SOS1: variants seen among roughly 807,000 people sequenced by gnomAD.
SOS1 encodes the protein son of sevenless homolog 1.
Under a neutral mutation model 157.6 loss-of-function variants are expected in SOS1, and 25 were observed. That is an observed-to-expected ratio of 0.16 (90% CI 0.12 to 0.22). The LOEUF (loss-of-function observed/expected upper bound fraction) is 0.22. Among genes scored for constraint, SOS1 ranks in the 10% least tolerant of loss-of-function variants. The probability of loss-of-function intolerance (pLI) is 1.00; values close to 1 mark genes in which losing one functional copy is unlikely to be tolerated. For missense variants in SOS1, 1,237 were observed against 1,599.1 expected (o/e 0.77, Z 3.86); for synonymous variants, 528 against 534.0 (o/e 0.99, Z 0.16).
intron 22 of SOS1, 105 bp downstream of exon 22, chr2:38,987,368 A>T: frequency 1.4e-6 from 1 of 713,772 alleles, no homozygotes; most frequent in Non-Finnish European, 2.6e-6. Context: ...AAGCCTGTAT[A>T]CTCTGAAATG....
In SOS1 at chr2:39,012,291, A is replaced by C; in HGVS notation, c.2225T>G (p.Ile742Ser). The C allele has an allele frequency of 1.2e-6, 2 of 1,612,914 alleles. No individual in the cohort carries two copies. Among genetic ancestry groups the C allele is most frequent in the East Asian group, 4.5e-5 (2 of 44,780 alleles). Residue 742 changes from isoleucine (I) to serine (S), a missense_variant, in exon 14 of 23, where the codon ATT becomes AGT. Transcript: ENST00000402219. ...ATGACCTGGTCCATTGTCTCTTGCA[A>C]TTTTTTTCCTTTGGATTATTTTAGT... Reference protein sequence around the residue: ...SITKIIQRKKIARDNGPGHNI... With the variant: ...SITKIIQRKKSARDNGPGHNI...
At chr2:39,062,504 G>A (rs1671443722) in intron 2 of SOS1, among the ~76,000 whole-genome samples, 1 of 145,378 alleles carries the variant, frequency 6.9e-6, no homozygotes. Flanking sequence ...GGGAAAAAAA[G>A]CTAAAGAAAA....
intron 14 of SOS1, 114 bp downstream of exon 14, chr2:39,012,012 C>A (rs1669488273): frequency 1.2e-6 from 1 of 801,362 alleles, no homozygotes; most frequent in African/African-American, 1.7e-5. Context: ...CTAGACACTT[C>A]ATGTAATATT....
intron 3 of SOS1, among the ~76,000 whole-genome samples, chr2:39,057,786 A>C (rs1380467690): frequency 6.6e-6 from 1 of 152,134 alleles, no homozygotes. Context: ...CTTTTCCATA[A>C]GGCAGGTATT....
At chr2:39,060,157 T>G (rs1372866593) in intron 2 of SOS1, among the ~76,000 whole-genome samples, 3 of 152,188 alleles carry the variant, frequency 2.0e-5, no homozygotes, top group African/African-American at 7.2e-5. Flanking sequence ...TATTTAGGAC[T>G]AACTTACGTG....
At chr2:39,070,123 A>T (rs2148146051) in intron 1 of SOS1, among the ~76,000 whole-genome samples, 1 of 152,276 alleles carries the variant, frequency 6.6e-6, no homozygotes, top group African/African-American at 2.4e-5. Context: ...ATCAAACCAT[A>T]TAAACTTATT....
intron 6 of SOS1, among the ~76,000 whole-genome samples, chr2:39,043,535 T>C (rs538470746): frequency 1.8e-4 from 28 of 152,354 alleles, no homozygotes; most frequent in Admixed American, 1.8e-3. Context: ...TGTCACATGC[T>C]GTTTTCTGTT....
At chr2:39,015,509 A>G (rs1263504759) in intron 10 of SOS1, among the ~76,000 whole-genome samples, 3 of 152,010 alleles carry the variant, frequency 2.0e-5, no homozygotes, top group Admixed American at 6.6e-5. Flanking sequence ...TGAGAGGTCA[A>G]TCATAAATAT....
chr2:39,113,846 CTCT>C (rs1673537614), intron 1 of SOS1, among the ~76,000 whole-genome samples: 1 of 152,222 alleles, frequency 6.6e-6, no homozygotes, highest in African/African-American at 2.4e-5. Context: ...AATCTTGAAT[CTCT>C]TTTTTGCCTC....
chr2:39,038,464 G>T (rs868135066), intron 6 of SOS1, among the ~76,000 whole-genome samples: 1 of 151,800 alleles, frequency 6.6e-6, no homozygotes, highest in Non-Finnish European at 1.5e-5. Context: ...GGCTGGGCGC[G>T]GTGGCTCACG....
At chr2:39,014,573 GAAT>G (rs1669571775) in intron 11 of SOS1, among the ~76,000 whole-genome samples, 189 bp downstream of exon 11, 1 of 151,814 alleles carries the variant, frequency 6.6e-6, no homozygotes, top group Non-Finnish European at 1.5e-5. Context: ...ATACAAAAAA[GAAT>G]ATTTTTGTAT....
intron 8 of SOS1, among the ~76,000 whole-genome samples, chr2:39,030,892 T>G (rs189329154): frequency 1.3e-5 from 2 of 152,134 alleles, no homozygotes; most frequent in Non-Finnish European, 2.9e-5. Flanking sequence ...TGCAGACACA[T>G]AGAGAAGAAC....
chr2:39,047,072 A>G (rs1307048143), intron 6 of SOS1, among the ~76,000 whole-genome samples: 3 of 152,148 alleles, frequency 2.0e-5, no homozygotes, highest in African/African-American at 7.2e-5. Context: ...CACCCAGATA[A>G]AGAAATAGAA....
intron 1 of SOS1, among the ~76,000 whole-genome samples, chr2:39,092,123 T>C (rs1347253208): frequency 1.3e-5 from 2 of 152,224 alleles, no homozygotes; most frequent in Admixed American, 6.5e-5. Flanking sequence ...CTACATGAAG[T>C]GGTCCCTGTC....
intron 4 of SOS1, 101 bp from the exon 5 acceptor site, chr2:39,054,924 A>G (rs1671154185): frequency 1.4e-6 from 1 of 724,916 alleles, no homozygotes. Flanking sequence ...CTTAAATGAT[A>G]AAAAAGCAGA....
intron 8 of SOS1, among the ~76,000 whole-genome samples, chr2:39,029,568 G>A (rs1026038769): frequency 3.9e-5 from 6 of 152,098 alleles, no homozygotes; most frequent in Non-Finnish European, 2.9e-5. Context: ...AGGATGCAGT[G>A]AGCAGTGACT....
intron 8 of SOS1, chr2:39,034,973 TAAA>T: frequency 1.8e-6 from 1 of 551,192 alleles, no homozygotes; most frequent in Non-Finnish European, 3.3e-6. Flanking sequence ...AAACCAAAAA[TAAA>T]AAAAAGAAAA....
chr2:39,002,249 C>T (rs887351023), intron 17 of SOS1, among the ~76,000 whole-genome samples: 10 of 151,874 alleles, frequency 6.6e-5, no homozygotes, highest in African/African-American at 2.4e-4. Flanking sequence ...CTGCTGAACC[C>T]GGGAGGCAGA....
chr2:38,991,798 T>C (rs1332500899), intron 20 of SOS1, among the ~76,000 whole-genome samples: 1 of 152,192 alleles, frequency 6.6e-6, no homozygotes, highest in Non-Finnish European at 1.5e-5. Flanking sequence ...TTTTAATCTC[T>C]CAGTAAGACT....
Sources: gnomAD v4.1 joint callset for allele counts (sites outside exome capture counted in the v4.1 genomes callset) on GRCh38, gnomAD v4.1.1 for gene constraint, MANE v1.5 for transcripts, NCBI Gene and HGNC (gene_info 2026-07-23, HGNC 2026-07-21) for gene names.